The following SLIT3 variants were observed in gnomAD, a reference collection of about 807,000 sequenced individuals.
The protein encoded by SLIT3 is slit homolog 3 protein.
SLIT3 carries 68 observed loss-of-function variants against 184.0 expected under a neutral mutation model. The observed-to-expected ratio is 0.37, with a 90% CI of 0.30 to 0.45. SLIT3 has a LOEUF of 0.45. Among genes scored for constraint, SLIT3 ranks in the 20% least tolerant of loss-of-function variants. The pLI is 1.00. For synonymous variants in SLIT3, 831 were observed against 828.6 expected (o/e 1.00, Z -0.05); for missense variants, 1,707 against 2,026.0 (o/e 0.84, Z 3.02).
At chr5:168,748,568 G>T in intron 19 of SLIT3, 134 bp from the exon 20 acceptor site, 1 of 813,132 alleles carries the variant, frequency 1.2e-6, no homozygotes, top group Non-Finnish European at 1.8e-6. Flanking sequence ...CCAGGAAGAG[G>T]GTACCCGCTG....
At chr5:168,678,338 T>TA (rs1761475752) in intron 32 of SLIT3, among the ~76,000 whole-genome samples, 1 of 151,988 alleles carries the variant, frequency 6.6e-6, no homozygotes, top group African/African-American at 2.4e-5. Context: ...CCTTAAAAAA[T>TA]AAAAAAATAA....
intron 6 of SLIT3, among the ~76,000 whole-genome samples, chr5:168,834,499 G>C (rs1012826853): frequency 6.6e-6 from 1 of 151,358 alleles, no homozygotes; most frequent in African/African-American, 2.4e-5. Context: ...TGAGACCGGG[G>C]GGTCCAACAT....
At position 169,033,374 on chromosome 5, in the gene SLIT3, G is replaced by A. The variant is rs1757112906; in HGVS notation, c.414-150038C>T. Among the ~76,000 whole-genome samples, 3 of 152,090 alleles carry A rather than the reference G, an allele frequency of 2.0e-5. No individual in the cohort carries two copies. The South Asian group carries it at 6.2e-4, about 32-fold the overall frequency. On this transcript the variant is annotated intron_variant, in intron 4 of 35. Transcript: ENST00000519560. ...ACCGGACACTTAGGTTGTTGCCTAT[G>A]TTCACTGTCACAACGCTGCAGTGAA...
intron 4 of SLIT3, among the ~76,000 whole-genome samples, chr5:169,091,901 G>T (rs2113204883): frequency 6.6e-6 from 1 of 152,330 alleles, no homozygotes; most frequent in East Asian, 1.9e-4. Flanking sequence ...ATGGTAACAT[G>T]TACCAGAAAT....
intron 23 of SLIT3, among the ~76,000 whole-genome samples, chr5:168,714,152 G>A (rs1424760027): frequency 6.6e-6 from 1 of 152,110 alleles, no homozygotes; most frequent in Non-Finnish European, 1.5e-5. Context: ...TCACCTCCCC[G>A]AGTAAGGAAG....
chr5:168,877,324 A>G (rs1759768391), intron 5 of SLIT3, among the ~76,000 whole-genome samples: 1 of 152,156 alleles, frequency 6.6e-6, no homozygotes, highest in Non-Finnish European at 1.5e-5. Flanking sequence ...AGGGTGTAGC[A>G]TCTTATGTTA....
At chr5:169,019,851 T>C (rs1756531454) in intron 4 of SLIT3, among the ~76,000 whole-genome samples, 1 of 152,250 alleles carries the variant, frequency 6.6e-6, no homozygotes, top group South Asian at 2.1e-4. Flanking sequence ...TCTTAATCCA[T>C]TTTCTTTCAC....
At chr5:169,027,368 A>G (rs2113510770) in intron 4 of SLIT3, among the ~76,000 whole-genome samples, 1 of 152,238 alleles carries the variant, frequency 6.6e-6, no homozygotes, top group Non-Finnish European at 1.5e-5. Context: ...TCCCTTTTGA[A>G]AAGACACTTC....
chr5:168,797,634 G>A (rs1431754137), intron 9 of SLIT3, among the ~76,000 whole-genome samples: 2 of 152,208 alleles, frequency 1.3e-5, no homozygotes, highest in Non-Finnish European at 1.5e-5. Flanking sequence ...AATCTGATGA[G>A]AGAGACCAGC....
intron 3 of SLIT3, among the ~76,000 whole-genome samples, chr5:169,212,687 C>T (rs570769049): frequency 2.6e-5 from 4 of 152,196 alleles, no homozygotes; most frequent in African/African-American, 4.8e-5. Flanking sequence ...GACATGAAGT[C>T]TTTGCCCATG....
chr5:168,722,403 A>C, intron 22 of SLIT3, 76 bp from the exon 23 acceptor site: 1 of 1,260,424 alleles, frequency 7.9e-7, no homozygotes, highest in Non-Finnish European at 1.2e-6. Flanking sequence ...TCACGTTGTG[A>C]AACAAAGCAA....
At chr5:168,765,204 C>T (rs1035616703) in intron 14 of SLIT3, among the ~76,000 whole-genome samples, 3 of 152,166 alleles carry the variant, frequency 2.0e-5, no homozygotes, top group East Asian at 1.9e-4. Flanking sequence ...CTATTAAATG[C>T]ATTTTCATTT....
At chr5:169,256,191 A>T (rs1217241072) in intron 1 of SLIT3, among the ~76,000 whole-genome samples, 1 of 152,022 alleles carries the variant, frequency 6.6e-6, no homozygotes, top group African/African-American at 2.4e-5. Flanking sequence ...ATACACCTAT[A>T]GTCCCAGCCA....
intron 4 of SLIT3, among the ~76,000 whole-genome samples, chr5:168,885,362 T>G (rs1760153168): frequency 6.6e-6 from 1 of 152,156 alleles, no homozygotes; most frequent in African/African-American, 2.4e-5. Flanking sequence ...CAGGCCTGAT[T>G]CAATGAGCAG....
At chr5:168,886,786 A>G (rs1476580170) in intron 4 of SLIT3, among the ~76,000 whole-genome samples, 4 of 152,142 alleles carry the variant, frequency 2.6e-5, no homozygotes, top group African/African-American at 9.7e-5. Flanking sequence ...TTTTTAAATA[A>G]TTAGGGCTCT....
At chr5:168,817,492 A>G (rs1193213138) in intron 7 of SLIT3, 29 bp from the exon 8 acceptor site, 2 of 1,577,774 alleles carry the variant, frequency 1.3e-6, no homozygotes, top group East Asian at 2.3e-5. Context: ...GAGAGAAGGC[A>G]TGGTCACAGG....
At chr5:168,793,804 G>T (rs537505221) in intron 10 of SLIT3, among the ~76,000 whole-genome samples, 199 of 152,132 alleles carry the variant, frequency 1.3e-3, no homozygotes, top group African/African-American at 3.7e-3. Flanking sequence ...ATGAATTGGG[G>T]GGGGGGATGC....
intron 4 of SLIT3, among the ~76,000 whole-genome samples, chr5:169,104,915 A>G (rs2113240077): frequency 6.6e-6 from 1 of 152,270 alleles, no homozygotes; most frequent in Middle Eastern, 3.4e-3. Context: ...CCTTCTTTCC[A>G]GGGTATGGCA....
At chr5:169,216,122 G>T (rs1764426968) in intron 3 of SLIT3, among the ~76,000 whole-genome samples, 1 of 152,170 alleles carries the variant, frequency 6.6e-6, no homozygotes, top group Non-Finnish European at 1.5e-5. Context: ...CAGCCCCTGG[G>T]TTGGCCTCCT....
Sources: gnomAD v4.1 joint callset for allele counts (sites outside exome capture counted in the v4.1 genomes callset) on GRCh38, gnomAD v4.1.1 for gene constraint, MANE v1.5 for transcripts, NCBI Gene and HGNC (gene_info 2026-07-23, HGNC 2026-07-21) for gene names.